Variants in CLEC6A observed in about 807,000 individuals in gnomAD.
The protein encoded by CLEC6A is C-type lectin domain containing 6A.
CLEC6A carries 22 observed loss-of-function variants against 25.7 expected under a neutral mutation model. The ratio of observed to expected loss-of-function variants is 0.85; its 90% CI spans 0.61 to 1.22. The LOEUF is 1.22. Ranked by LOEUF, CLEC6A falls within the 50% of genes most tolerant of loss-of-function variation. CLEC6A has a pLI of 0.00. For missense variants in CLEC6A, 240 were observed against 236.8 expected (o/e 1.01, Z -0.09); for synonymous variants, 92 against 76.7 (o/e 1.20, Z -1.04).
intron 3 of CLEC6A, among the ~76,000 whole-genome samples, chr12:8,464,180 A>G (rs1269609017): frequency 2.0e-5 from 3 of 152,160 alleles, no homozygotes; most frequent in Non-Finnish European, 1.5e-5. Context: ...TTGGTTTTTA[A>G]TCACTTAATA....
intron 4 of CLEC6A, among the ~76,000 whole-genome samples, chr12:8,471,042 A>G (rs1256850317): frequency 3.3e-5 from 5 of 152,108 alleles, no homozygotes; most frequent in Non-Finnish European, 4.4e-5. Context: ...TTATGCACCA[A>G]TTGAGGTAAT....
chr12:8,467,831 T>G (rs1008911301), intron 4 of CLEC6A, among the ~76,000 whole-genome samples: 1 of 152,248 alleles, frequency 6.6e-6, no homozygotes, highest in Non-Finnish European at 1.5e-5. Flanking sequence ...ATTTGTGTCC[T>G]CTTTGGTTTC....
intron 3 of CLEC6A, among the ~76,000 whole-genome samples, chr12:8,461,487 TG>T (rs1939752822): frequency 6.6e-6 from 1 of 152,236 alleles, no homozygotes; most frequent in South Asian, 2.1e-4. Flanking sequence ...CATATCCATC[TG>T]GCATAAGAGA....
At chr12:8,470,242 T>G (rs1015691253) in intron 4 of CLEC6A, among the ~76,000 whole-genome samples, 1 of 152,258 alleles carries the variant, frequency 6.6e-6, no homozygotes, top group East Asian at 1.9e-4. Flanking sequence ...TGATACCACC[T>G]TACTCCTGCA....
chr12:8,475,177 G>A (rs922783767), intron 4 of CLEC6A, among the ~76,000 whole-genome samples: 1 of 151,992 alleles, frequency 6.6e-6, no homozygotes, highest in African/African-American at 2.4e-5. Context: ...ATGATGGTTA[G>A]TAATTTGCTA....
rs886928218 is a variant in CLEC6A, at chr12:8,473,300, T to C, written c.370-2825T>C. Among the ~76,000 whole-genome samples, 8 of 151,980 alleles carry C rather than the reference T, an allele frequency of 5.3e-5. 4 individuals are homozygous for C. Among genetic ancestry groups the C allele is most frequent in the Non-Finnish European group, 1.2e-4 (8 of 67,990 alleles). On this transcript the variant is annotated intron_variant, in intron 4 of 5. Coordinates refer to ENST00000382073, the MANE Select transcript of CLEC6A (RefSeq NM_001007033.2). ...TGAGCCACCGCGCCCGGCCAGCTCC[T>C]ACTTCTTATAAGTGAGAACATGTGG...
intron 4 of CLEC6A, among the ~76,000 whole-genome samples, chr12:8,466,760 A>T (rs1939836803): frequency 6.6e-6 from 1 of 151,900 alleles, no homozygotes; most frequent in Non-Finnish European, 1.5e-5. Flanking sequence ...GGTTCAAGCA[A>T]TTCTCTGCCT....
At chr12:8,476,297 A>T in intron 5 of CLEC6A, 57 bp downstream of exon 5, 1 of 943,392 alleles carries the variant, frequency 1.1e-6, no homozygotes, top group Non-Finnish European at 1.7e-6. Flanking sequence ...TTTTGTTAGG[A>T]GTTACTAATA....
In CLEC6A at chr12:8,459,662, A is replaced by T; in HGVS notation, c.187A>T (p.Ser63Cys). Residue 63 changes from serine (S) to cysteine (C), a missense_variant, in exon 3 of 6, where the codon AGT becomes TGT. By Grantham distance (112) the Ser-to-Cys change is moderately radical. Transcript: ENST00000382073. ...GTCTGAACTACACTCATATCATTCA[A>T]GTCTCACCTGCTTCAGTGAAGGGAC... ...RLSELHSYHSSLTCFSEGTKV... is the reference protein window; with the variant it reads ...RLSELHSYHSCLTCFSEGTKV... The T allele has an allele frequency of 6.2e-7, 1 of 1,613,482 alleles. No homozygotes were observed. The highest frequency in any genetic ancestry group is 8.5e-7 in the Non-Finnish European group (1 of 1,179,384).
chr12:8,465,667 AAAC>A, intron 4 of CLEC6A, 38 bp downstream of exon 4: 1 of 1,568,610 alleles, frequency 6.4e-7, no homozygotes. Context: ...ATTGTAGAGA[AAAC>A]ACACAATATA....
intron 4 of CLEC6A, among the ~76,000 whole-genome samples, chr12:8,473,449 T>A (rs1939932966): frequency 6.6e-6 from 1 of 152,160 alleles, no homozygotes; most frequent in Admixed American, 6.5e-5. Context: ...GGTGTATATG[T>A]ATTATATTTT....
intron 3 of CLEC6A, among the ~76,000 whole-genome samples, chr12:8,461,608 A>G (rs1260694325): frequency 2.0e-5 from 3 of 152,252 alleles, no homozygotes; most frequent in East Asian, 3.8e-4. Context: ...ATTATTTTGT[A>G]TAATACCATG....
rs1325122264 is a variant in CLEC6A at position 8,477,967 on chromosome 12, C to A, written c.*503C>A. 6.6e-6 allele frequency: 1 copy of A among 152,024 alleles called. No individual in the cohort carries two copies. Among genetic ancestry groups the A allele is most frequent in the African/African-American group, 2.4e-5 (1 of 41,386 alleles). 9.4% of individuals were successfully genotyped at this position (152,024 alleles called of 1,614,324 possible). On this transcript the variant is annotated 3_prime_UTR_variant, in exon 6 of 6. Coordinates refer to ENST00000382073, the MANE Select transcript of CLEC6A (RefSeq NM_001007033.2). ...AACTTGGTGTTGGCTATTAATGTAA[C>A]CTGGAAATAAATTTTATTCTGCAGT... is the stretch of plus-strand genomic sequence containing the variant.
In CLEC6A at chr12:8,472,924, C is replaced by T. The variant is rs980874406; in HGVS notation, c.370-3201C>T. ...CCATTCCATTCCCTCTCCCTTCCTC[C>T]TCTACTAGTCCCCAGTATCTATTTT... On this transcript the variant is annotated intron_variant, in intron 4 of 5. Coordinates refer to ENST00000382073, the MANE Select transcript of CLEC6A (RefSeq NM_001007033.2). Among the ~76,000 whole-genome samples, 15 of 152,010 alleles carry T rather than the reference C, an allele frequency of 9.9e-5. No homozygotes were observed. The East Asian group carries it at 2.9e-3, about 29-fold the overall frequency.
chr12:8,469,273 A>G (rs186202138), intron 4 of CLEC6A, among the ~76,000 whole-genome samples: 2 of 152,322 alleles, frequency 1.3e-5, no homozygotes, highest in Non-Finnish European at 2.9e-5. Flanking sequence ...CACTGCTGAA[A>G]GAAATCACAG....
In CLEC6A at chr12:8,465,568, G is replaced by A; in HGVS notation, c.308G>A (p.Ser103Asn). ...ISSEEKVWSK[S>N]EQNCVEMGAH... ...AGTGAAGAGAAGGTTTGGTCTAAGA[G>A]TGAGCAGAACTGTGTTGAGATGGGA... Residue 103 changes from serine (S) to asparagine (N), a missense_variant, in exon 4 of 6, where the codon AGT becomes AAT. By Grantham distance (46) the Ser-to-Asn change is conservative. Transcript: ENST00000382073. 1 of 1,614,096 alleles carries A rather than the reference G, an allele frequency of 6.2e-7. No homozygotes were observed. Among genetic ancestry groups the A allele is most frequent in the Non-Finnish European group, 8.5e-7 (1 of 1,179,974 alleles).
intron 4 of CLEC6A, among the ~76,000 whole-genome samples, chr12:8,466,798 G>A (rs1333676269): frequency 1.3e-5 from 2 of 151,514 alleles, no homozygotes; most frequent in Non-Finnish European, 2.9e-5. Context: ...GGGCTTACAG[G>A]TGCCTGCCAC....
chr12:8,471,766 T>C (rs1939909678), intron 4 of CLEC6A, among the ~76,000 whole-genome samples: 1 of 152,130 alleles, frequency 6.6e-6, no homozygotes, highest in Non-Finnish European at 1.5e-5. Flanking sequence ...CTTTCTCTTC[T>C]TCACTTTTGA....
chr12:8,460,616 A>C lies in CLEC6A; in HGVS notation c.223+918A>C, dbSNP rs189485620. ...CTGGCGGAAGCCATCACATAAGTCA[A>C]GATGGGTGCATACAAGTATATCCAG... On this transcript the variant is annotated intron_variant, in intron 3 of 5. Coordinates refer to ENST00000382073, the MANE Select transcript of CLEC6A (RefSeq NM_001007033.2). 18 of 1,323,012 alleles carry C rather than the reference A, an allele frequency of 1.4e-5. No individual in the cohort carries two copies. In the African/African-American group the frequency reaches 2.5e-4, roughly 18 times the overall value. The allele number at this position is 1,323,012 out of a possible 1,614,324, so 82.0% of individuals were successfully genotyped here.
Sources: gnomAD v4.1 joint callset for allele counts (sites outside exome capture counted in the v4.1 genomes callset) on GRCh38, gnomAD v4.1.1 for gene constraint, MANE v1.5 for transcripts, NCBI Gene and HGNC (gene_info 2026-07-23, HGNC 2026-07-21) for gene names.